FOXP2: variants seen among roughly 807,000 people sequenced by gnomAD.
The protein encoded by FOXP2 is forkhead box P2.
FOXP2 carries 12 observed loss-of-function variants against 115.8 expected under a neutral mutation model. The observed-to-expected ratio is 0.10, with a 90% CI of 0.07 to 0.17. FOXP2 has a LOEUF of 0.17. FOXP2 is among the 10% of genes least tolerant of loss of function. The pLI, the probability that FOXP2 is intolerant of heterozygous loss-of-function variation, is 1.00. For synonymous variants in FOXP2, 328 were observed against 297.7 expected (o/e 1.10, Z -1.05); for missense variants, 629 against 843.5 (o/e 0.75, Z 3.15).
At chr7:114,278,696 G>C (rs1409760665) in intron 1 of FOXP2, among the ~76,000 whole-genome samples, 5 of 152,192 alleles carry the variant, frequency 3.3e-5, no homozygotes, top group Admixed American at 1.3e-4. Context: ...ATATAAATCT[G>C]TGAAGTAAGC....
At chr7:114,157,038 T>C (rs1455860842) in intron 1 of FOXP2, among the ~76,000 whole-genome samples, 2 of 152,160 alleles carry the variant, frequency 1.3e-5, no homozygotes, top group Non-Finnish European at 2.9e-5. Flanking sequence ...GTGATAATTA[T>C]TTCTTGCAGT....
chr7:114,397,341 C>A (rs900054880), intron 2 of FOXP2, among the ~76,000 whole-genome samples: 14 of 152,068 alleles, frequency 9.2e-5, no homozygotes, highest in African/African-American at 3.4e-4. Flanking sequence ...GAGCATTGAA[C>A]AAGACAGATA....
intron 2 of FOXP2, among the ~76,000 whole-genome samples, chr7:114,394,001 TGTGTGA>T (rs1337714566): frequency 4.6e-4 from 47 of 102,434 alleles, no homozygotes; most frequent in African/African-American, 6.8e-4. Context: ...TGTGTGTGTG[TGTGTGA>T]GAGAGAGAGA....
At chr7:114,384,768 A>C (rs1264778122) in intron 2 of FOXP2, among the ~76,000 whole-genome samples, 1 of 151,492 alleles carries the variant, frequency 6.6e-6, no homozygotes, top group East Asian at 1.9e-4. Context: ...ATAACTCTGA[A>C]CTGGTGAGGT....
At chr7:114,225,182 G>A (rs955914657) in intron 1 of FOXP2, among the ~76,000 whole-genome samples, 1 of 151,906 alleles carries the variant, frequency 6.6e-6, no homozygotes, top group Non-Finnish European at 1.5e-5. Context: ...ATTAAGGGGT[G>A]GGGTATGTTG....
chr7:114,479,843 CTAA>C (rs1392380833), intron 2 of FOXP2, among the ~76,000 whole-genome samples: 1 of 151,486 alleles, frequency 6.6e-6, no homozygotes, highest in East Asian at 1.9e-4. Context: ...CAATTGTTAA[CTAA>C]TGAGTTGCAT....
chr7:114,582,807 A>C (rs1801936617), intron 3 of FOXP2, among the ~76,000 whole-genome samples: 1 of 152,214 alleles, frequency 6.6e-6, no homozygotes, highest in South Asian at 2.1e-4. Flanking sequence ...ATATTATGAT[A>C]GTTTCTTTTT....
intron 3 of FOXP2, among the ~76,000 whole-genome samples, chr7:114,602,039 T>C (rs1803060610): frequency 6.6e-6 from 1 of 152,094 alleles, no homozygotes; most frequent in South Asian, 2.1e-4. Context: ...TCTGTAATCT[T>C]ATGGAATGTA....
intron 1 of FOXP2, chr7:114,420,008 A>G (rs2129202081): frequency 6.6e-6 from 1 of 152,176 alleles, no homozygotes; most frequent in African/African-American, 2.4e-5. Flanking sequence ...ATAGCCTGGA[A>G]GTAAAAAGTG....
chr7:114,319,340 A>G (rs1218403715), intron 2 of FOXP2, among the ~76,000 whole-genome samples: 1 of 152,212 alleles, frequency 6.6e-6, no homozygotes, highest in Non-Finnish European at 1.5e-5. Flanking sequence ...AGAAGGCACA[A>G]ATTAAAAACA....
At chr7:114,335,881 AG>A (rs1797841649) in intron 2 of FOXP2, among the ~76,000 whole-genome samples, 1 of 151,830 alleles carries the variant, frequency 6.6e-6, no homozygotes, top group South Asian at 2.1e-4. Context: ...CTAACAAAAA[AG>A]AAAAAAAAAT....
chr7:114,646,743 G>A lies in FOXP2; in HGVS notation c.1094+1954G>A, dbSNP rs555332391. Among the ~76,000 whole-genome samples, 234 of 152,118 alleles carry A rather than the reference G, an allele frequency of 1.5e-3. 1 individual carries two copies. The highest frequency in any genetic ancestry group is 4.8e-3 in the South Asian group (23 of 4,834). On this transcript the variant is annotated intron_variant, in intron 8 of 16. Transcript: ENST00000350908. ...GAAATATCGATTAGATATACTTTCT[G>A]TAGTGGCATTGTCTTCTTGAAAATG...
chr7:114,634,187 G>A (rs907945001), intron 6 of FOXP2, among the ~76,000 whole-genome samples: 45 of 151,928 alleles, frequency 3.0e-4, no homozygotes, highest in African/African-American at 1.0e-3. Context: ...GTAGAGACAG[G>A]GTTTCACCAT....
chr7:114,173,094 T>C (rs1404715156), intron 1 of FOXP2, among the ~76,000 whole-genome samples: 2 of 151,986 alleles, frequency 1.3e-5, no homozygotes, highest in East Asian at 1.9e-4. Flanking sequence ...GCTATAGTAA[T>C]GAGCCACTCA....
chr7:114,252,924 G>T (rs930088531), intron 1 of FOXP2, among the ~76,000 whole-genome samples: 3 of 152,104 alleles, frequency 2.0e-5, no homozygotes, highest in African/African-American at 7.2e-5. Context: ...TCTCTTGTGG[G>T]CATTTAGTGC....
intron 1 of FOXP2, among the ~76,000 whole-genome samples, chr7:114,213,119 A>G (rs1455504019): frequency 2.6e-5 from 4 of 152,214 alleles, no homozygotes; most frequent in African/African-American, 9.6e-5. Flanking sequence ...TTTGTTACAT[A>G]CACTATCCCA....
At chr7:114,562,134 T>C (rs987749182) in intron 3 of FOXP2, among the ~76,000 whole-genome samples, 3 of 152,160 alleles carry the variant, frequency 2.0e-5, no homozygotes, top group Non-Finnish European at 2.9e-5. Context: ...CCTTAAACAC[T>C]TTCACTATTC....
intron 2 of FOXP2, among the ~76,000 whole-genome samples, chr7:114,344,142 T>C (rs1562879431): frequency 6.6e-6 from 1 of 151,676 alleles, no homozygotes; most frequent in Non-Finnish European, 1.5e-5. Context: ...ATAGTACCTA[T>C]ATAAAAGAAC....
At chr7:114,255,259 G>A (rs1795577510) in intron 1 of FOXP2, among the ~76,000 whole-genome samples, 3 of 152,224 alleles carry the variant, frequency 2.0e-5, no homozygotes, top group African/African-American at 7.2e-5. Context: ...TGAGGAGGCA[G>A]TCTGTCCATT....
Sources: allele counts gnomAD v4.1 joint callset (sites outside exome capture counted in the v4.1 genomes callset), GRCh38; gene constraint gnomAD v4.1.1; transcripts MANE v1.5; gene names NCBI Gene and HGNC (gene_info 2026-07-23, HGNC 2026-07-21).